SND1: variants seen among roughly 807,000 people sequenced by gnomAD.
The protein encoded by SND1 is staphylococcal nuclease domain-containing protein 1.
A neutral mutation model predicts 121.7 loss-of-function variants in SND1; 38 were observed. The ratio of observed to expected loss-of-function variants is 0.31; its 90% CI spans 0.24 to 0.41. The LOEUF (loss-of-function observed/expected upper bound fraction) is 0.41, where lower values mean the gene tolerates loss of function less well. Among genes scored for constraint, SND1 ranks in the 10% least tolerant of loss-of-function variants. SND1 has a pLI of 1.00. For missense variants in SND1, 868 were observed against 1,184.6 expected (o/e 0.73, Z 3.92); for synonymous variants, 401 against 447.4 (o/e 0.90, Z 1.31).
chr7:128,050,314 G>T (rs776659544), intron 16 of SND1, among the ~76,000 whole-genome samples: 11 of 152,206 alleles, frequency 7.2e-5, no homozygotes, highest in Non-Finnish European at 1.5e-4. Flanking sequence ...GAGGCAGAAG[G>T]ATCCAGCAGG....
chr7:127,832,398 G>A (rs892104280), intron 11 of SND1, among the ~76,000 whole-genome samples: 3 of 152,160 alleles, frequency 2.0e-5, no homozygotes, highest in African/African-American at 7.2e-5. Context: ...ACTTAGAGAA[G>A]CATGTGGAAA....
chr7:127,781,356 T>G (rs1206904452), intron 10 of SND1, among the ~76,000 whole-genome samples: 1 of 152,230 alleles, frequency 6.6e-6, no homozygotes, highest in Non-Finnish European at 1.5e-5. Flanking sequence ...CTGCCTTCAC[T>G]ATGTGGCAAT....
chr7:127,652,234 C>T lies in SND1; in HGVS notation c.-140C>T. ...TCCCGCTGCTGCTCCTGTGAGCGCC[C>T]GGCGAGTCCGTCCCGTCCACCGTCC... On this transcript the variant is annotated 5_prime_UTR_variant, in exon 1 of 24. Coordinates refer to ENST00000354725, the MANE Select transcript of SND1 (RefSeq NM_014390.4). The T allele has an allele frequency of 1.3e-6, 1 of 741,930 alleles. No individual in the cohort carries two copies. Among genetic ancestry groups the T allele is most frequent in the Non-Finnish European group, 2.4e-6 (1 of 415,190 alleles). 46.0% of individuals were successfully genotyped at this position (741,930 alleles called of 1,614,324 possible). A position where few individuals can be genotyped will look rare whatever the true frequency, so the allele number is the denominator to read the frequency against.
At chr7:127,674,132 C>T (rs1795576440) in intron 1 of SND1, among the ~76,000 whole-genome samples, 1 of 151,846 alleles carries the variant, frequency 6.6e-6, no homozygotes, top group Non-Finnish European at 1.5e-5. Flanking sequence ...CTGCCTTCCT[C>T]CCTCCCTTCC....
chr7:128,047,968 C>G (rs982233072), intron 16 of SND1, among the ~76,000 whole-genome samples: 1 of 152,076 alleles, frequency 6.6e-6, no homozygotes, highest in African/African-American at 2.4e-5. Flanking sequence ...CTGCCTCAGC[C>G]TCCCGAGTAG....
intron 1 of SND1, among the ~76,000 whole-genome samples, chr7:127,664,359 C>T (rs1025746512): frequency 3.9e-5 from 6 of 152,114 alleles, no homozygotes; most frequent in Non-Finnish European, 8.8e-5. Flanking sequence ...TACTAGAGAT[C>T]GAGTTCAATC....
chr7:128,079,244 C>G (rs1450817611), intron 17 of SND1, among the ~76,000 whole-genome samples: 2 of 152,272 alleles, frequency 1.3e-5, no homozygotes, highest in Non-Finnish European at 2.9e-5. Context: ...ATTTATGGCT[C>G]TCTCCTGGCC....
intron 10 of SND1, among the ~76,000 whole-genome samples, chr7:127,740,741 T>C (rs983059748): frequency 2.6e-5 from 4 of 152,176 alleles, no homozygotes; most frequent in African/African-American, 9.6e-5. Flanking sequence ...CAGATGCTTC[T>C]GATGTGCAGC....
intron 12 of SND1, among the ~76,000 whole-genome samples, chr7:127,844,775 A>G (rs1358441574): frequency 2.0e-5 from 3 of 152,230 alleles, no homozygotes; most frequent in Non-Finnish European, 4.4e-5. Context: ...GTCTAGGTAT[A>G]GAATAGCAGG....
intron 12 of SND1, among the ~76,000 whole-genome samples, chr7:127,885,285 CAT>C (rs1799875934): frequency 1.3e-5 from 2 of 152,244 alleles, no homozygotes; most frequent in Admixed American, 1.3e-4. Context: ...GAAGAGAACA[CAT>C]GTGATTCTCA....
At chr7:127,739,418 C>A (rs1413408803) in intron 10 of SND1, among the ~76,000 whole-genome samples, 2 of 152,108 alleles carry the variant, frequency 1.3e-5, no homozygotes, top group East Asian at 3.9e-4. Context: ...TAATAACTTG[C>A]TTCTCCCTAG....
chr7:127,830,591 A>T (rs771860560), intron 11 of SND1, among the ~76,000 whole-genome samples: 3 of 152,174 alleles, frequency 2.0e-5, no homozygotes, highest in Non-Finnish European at 2.9e-5. Context: ...ATAGCAGAAT[A>T]TATCCTTCTC....
Position 127,902,179 on chromosome 7 carries a change from C to T in SND1, c.1455-2568C>T, listed in dbSNP as rs542806415. 9.9e-5 allele frequency among the ~76,000 whole-genome samples: 15 copies of T among 152,246 alleles called. No homozygotes were observed. The South Asian group carries it at 3.1e-3, about 32-fold the overall frequency. On this transcript the variant is annotated intron_variant, in intron 13 of 23. Transcript: ENST00000354725. ...TGCTCAGGCCCTGTTCTTTTTTTCT[C>T]ATAGTACATGAGATGTTCTCCAGCC...
At chr7:127,987,455 A>T (rs942353658) in intron 15 of SND1, among the ~76,000 whole-genome samples, 3 of 152,200 alleles carry the variant, frequency 2.0e-5, no homozygotes, top group East Asian at 3.9e-4. Flanking sequence ...ATGTGGCTTC[A>T]TCTGGCTTTC....
chr7:128,081,804 T>C, intron 18 of SND1: 1 of 592,672 alleles, frequency 1.7e-6, no homozygotes. Context: ...TCTGAGTCTC[T>C]TAGGTGATTG....
At position 128,007,151 on chromosome 7, in the gene SND1, G is replaced by GT. The variant is rs1049077091; in HGVS notation, c.1779+16103dup. Among the ~76,000 whole-genome samples, 6 of 151,934 alleles carry GT rather than the reference G, an allele frequency of 3.9e-5. No homozygotes were observed. In the South Asian group the frequency reaches 6.2e-4, roughly 16 times the overall value. On this transcript the variant is annotated intron_variant, in intron 16 of 23. Transcript: ENST00000354725. The stretch of plus-strand genomic sequence containing the variant: ...ATGTGAAGCTGCCAGCAGGACAATT[G>GT]TTTTTTTTCCCATGGATCATTAATA...
chr7:127,991,710 A>G (rs527599063), intron 16 of SND1, among the ~76,000 whole-genome samples: 5 of 152,074 alleles, frequency 3.3e-5, no homozygotes, highest in Non-Finnish European at 5.9e-5. Context: ...CATTGTCCCC[A>G]TTTCTTTTAC....
intron 10 of SND1, among the ~76,000 whole-genome samples, chr7:127,756,937 T>C (rs1388702009): frequency 2.0e-5 from 3 of 152,194 alleles, no homozygotes; most frequent in African/African-American, 7.2e-5. Context: ...ACTTTTTAAA[T>C]TGAGGTCAAT....
intron 10 of SND1, among the ~76,000 whole-genome samples, chr7:127,771,986 A>C (rs532399016): frequency 6.6e-6 from 1 of 152,176 alleles, no homozygotes; most frequent in African/African-American, 2.4e-5. Context: ...CAGATAATGT[A>C]TGCAACACTT....
Sources: gnomAD v4.1 joint callset for allele counts (sites outside exome capture counted in the v4.1 genomes callset) on GRCh38, gnomAD v4.1.1 for gene constraint, MANE v1.5 for transcripts, NCBI Gene and HGNC (gene_info 2026-07-23, HGNC 2026-07-21) for gene names.